CNNM4: variants seen among roughly 807,000 people sequenced by gnomAD.
The protein encoded by CNNM4 is cyclin and CBS domain divalent metal cation transport mediator 4.
A neutral mutation model predicts 53.7 loss-of-function variants in CNNM4; 32 were observed. That is an observed-to-expected ratio of 0.60 (90% CI 0.45 to 0.80). CNNM4 has a LOEUF of 0.80. CNNM4 is among the 30% of genes least tolerant of loss of function. The pLI, the probability that CNNM4 is intolerant of heterozygous loss-of-function variation, is 0.00. For synonymous variants in CNNM4, 410 were observed against 440.0 expected (o/e 0.93, Z 0.85); for missense variants, 784 against 1,022.0 (o/e 0.77, Z 3.17).
rs764294792 is a variant in CNNM4, at chr2:96,797,626, G to T, written c.1660G>T (p.Ala554Ser). The T allele has an allele frequency of 7.0e-5, 113 of 1,613,934 alleles. No individual in the cohort carries two copies. The highest frequency in any genetic ancestry group is 9.3e-5 in the Non-Finnish European group (110 of 1,180,042). ...AATCTCCCCGCAGCTCCTCCTGGCCGCTCATCGCTTCCTAGCCACAGGTAG... is the reference window on the plus strand; with the variant it reads ...AATCTCCCCGCAGCTCCTCCTGGCCTCTCATCGCTTCCTAGCCACAGGTAG... ...VKISPQLLLA[A>S]HRFLATEVSQ... The change falls in exon 3 of 7, where the codon GCT becomes TCT. Residue 554 changes from alanine to serine, a missense_variant. Transcript: ENST00000377075. The surrounding 1 kb of genome is among the most constrained non-coding windows in gnomAD (Gnocchi z 6.0).
At chr2:96,807,044 G>A (rs978781170) in intron 5 of CNNM4, among the ~76,000 whole-genome samples, 2 of 152,154 alleles carry the variant, frequency 1.3e-5, no homozygotes, top group Non-Finnish European at 2.9e-5. Flanking sequence ...TTTTTTGGGT[G>A]TTCGGCGGGT....
intron 1 of CNNM4, among the ~76,000 whole-genome samples, chr2:96,787,326 T>C (rs1036204982): frequency 6.6e-6 from 1 of 152,232 alleles, no homozygotes; most frequent in South Asian, 2.1e-4. Flanking sequence ...TTGACTAATA[T>C]GATAGGTAAA....
intron 1 of CNNM4, among the ~76,000 whole-genome samples, chr2:96,784,717 A>C (rs535999672): frequency 6.6e-6 from 1 of 152,258 alleles, no homozygotes; most frequent in South Asian, 2.1e-4. Flanking sequence ...GACCCTGGGC[A>C]TGACTTCTCT....
intron 5 of CNNM4, among the ~76,000 whole-genome samples, chr2:96,803,741 T>A (rs1285465141): frequency 6.6e-6 from 1 of 151,828 alleles, no homozygotes; most frequent in East Asian, 1.9e-4. Flanking sequence ...AAAAAAAACC[T>A]TGCAGTTTTT....
At chr2:96,795,475 T>G (rs2079094532) in intron 1 of CNNM4, among the ~76,000 whole-genome samples, 1 of 143,452 alleles carries the variant, frequency 7.0e-6, no homozygotes, top group African/African-American at 3.0e-5. Flanking sequence ...TGAAAAACTT[T>G]CACAATGCAG....
chr2:96,767,242 GCAAGA>G (rs1240844608), intron 1 of CNNM4, among the ~76,000 whole-genome samples: 1 of 152,184 alleles, frequency 6.6e-6, no homozygotes, highest in Non-Finnish European at 1.5e-5. Context: ...CATGCTGCGT[GCAAGA>G]CGTGATGCTA....
At chr2:96,765,816 C>T (rs1332082674) in intron 1 of CNNM4, among the ~76,000 whole-genome samples, 4 of 146,464 alleles carry the variant, frequency 2.7e-5, no homozygotes, top group Admixed American at 6.9e-5. Flanking sequence ...TTTTTTGAGA[C>T]GGAGTTTCGC....
intron 1 of CNNM4, among the ~76,000 whole-genome samples, chr2:96,770,854 C>T (rs2078862701): frequency 6.6e-6 from 1 of 152,222 alleles, no homozygotes; most frequent in African/African-American, 2.4e-5. Context: ...GAAAGGCAGC[C>T]TGGGCCAGGC....
intron 1 of CNNM4, among the ~76,000 whole-genome samples, chr2:96,768,382 AC>A (rs1473637728): frequency 6.6e-6 from 1 of 152,164 alleles, no homozygotes; most frequent in Non-Finnish European, 1.5e-5. Context: ...TGCCCTGTTC[AC>A]AGAACTCACA....
chr2:96,809,041 T>C (rs2079232943), intron 6 of CNNM4, among the ~76,000 whole-genome samples: 1 of 151,210 alleles, frequency 6.6e-6, no homozygotes, highest in Non-Finnish European at 1.5e-5. Flanking sequence ...GGGGTCTCAC[T>C]GTGTTGCCCA....
intron 6 of CNNM4, among the ~76,000 whole-genome samples, chr2:96,809,016 T>C (rs544399752): frequency 1.7e-4 from 26 of 151,108 alleles, no homozygotes; most frequent in Admixed American, 7.9e-4. Context: ...TTTTTTTTTT[T>C]CCCCTTATAG....
At chr2:96,798,999 C>G (rs750467581) in intron 3 of CNNM4, 58 bp from the exon 4 acceptor site, 47 of 1,559,156 alleles carry the variant, frequency 3.0e-5, no homozygotes, top group Non-Finnish European at 3.8e-5. Context: ...CAGCAGTGAT[C>G]GAGCTTTAGG....
At chr2:96,783,421 C>T (rs565724482) in intron 1 of CNNM4, among the ~76,000 whole-genome samples, 26 of 152,324 alleles carry the variant, frequency 1.7e-4, no homozygotes, top group African/African-American at 5.3e-4. Context: ...CTCCTGGCCA[C>T]GGAGAGATCC....
At chr2:96,806,081 A>ACC (rs1393750966) in intron 5 of CNNM4, among the ~76,000 whole-genome samples, 53 of 127,754 alleles carry the variant, frequency 4.1e-4, no homozygotes, top group African/African-American at 1.6e-3. Flanking sequence ...AGGGGGGCTG[A>ACC]CCCCCCCCAA....
intron 5 of CNNM4, among the ~76,000 whole-genome samples, chr2:96,803,223 G>A (rs945369022): frequency 6.6e-6 from 1 of 152,144 alleles, no homozygotes; most frequent in Non-Finnish European, 1.5e-5. Flanking sequence ...GGATGGCCGG[G>A]AGGTGATGCA....
At chr2:96,776,016 G>A (rs767940949) in intron 1 of CNNM4, among the ~76,000 whole-genome samples, 43 of 150,168 alleles carry the variant, frequency 2.9e-4, no homozygotes, top group Middle Eastern at 3.6e-3. Flanking sequence ...CAGAGCCACT[G>A]TGCCATTGTG....
chr2:96,770,353 A>G (rs2078857795), intron 1 of CNNM4, among the ~76,000 whole-genome samples: 1 of 152,230 alleles, frequency 6.6e-6, no homozygotes, highest in South Asian at 2.1e-4. Flanking sequence ...ATGGGTGAAT[A>G]CACAGGAGCA....
chr2:96,778,176 T>G (rs115994017), intron 1 of CNNM4, among the ~76,000 whole-genome samples: 3,264 of 151,918 alleles, frequency 0.021, 122 homozygotes, highest in African/African-American at 0.073. Context: ...CCTCTCTGCC[T>G]TTTTCTTAAC....
At chr2:96,804,801 G>A (rs2079187594) in intron 5 of CNNM4, among the ~76,000 whole-genome samples, 1 of 151,988 alleles carries the variant, frequency 6.6e-6, no homozygotes, top group Admixed American at 6.5e-5. Flanking sequence ...CTCCCAAAGT[G>A]CTGGGATTAC....
Sources: allele counts gnomAD v4.1 joint callset (sites outside exome capture counted in the v4.1 genomes callset), GRCh38; gene constraint gnomAD v4.1.1; non-coding constraint Gnocchi (gnomAD v3.1); transcripts MANE v1.5; gene names NCBI Gene and HGNC (gene_info 2026-07-23, HGNC 2026-07-21).